Variants in UFSP1 observed in about 807,000 individuals in gnomAD.
The protein encoded by UFSP1 is ufm1-specific protease 1.
For synonymous variants in UFSP1, 119 were observed against 77.6 expected (o/e 1.53, Z -2.81); for missense variants, 261 against 182.7 (o/e 1.43, Z -2.47).
chr7:100,888,814 CCG>C lies in UFSP1; in HGVS notation c.*27_*28del. On this transcript the variant is annotated 3_prime_UTR_variant, in exon 1 of 1. Transcript: ENST00000388761. The stretch of plus-strand genomic sequence containing the variant: ...AGGTACATAGGTGCGTGTCTGGGAC[CCG>C]AGAATCTCAGTTCTGTAACTTCGTC... The C allele has an allele frequency of 6.3e-7, 1 of 1,582,068 alleles. No individual in the cohort carries two copies. Among genetic ancestry groups the C allele is most frequent in the South Asian group, 1.2e-5 (1 of 86,362 alleles).
Position 100,888,798 on chromosome 7 carries a change from G to A in UFSP1, c.*45C>T. 2 of 1,576,730 alleles carry A rather than the reference G, an allele frequency of 1.3e-6. No individual in the cohort carries two copies. The highest frequency in any genetic ancestry group is 8.6e-7 in the Non-Finnish European group (1 of 1,159,362). Reference sequence around the variant, plus strand: ...CAGGGACACCAGTGGGAGGTACATAGGTGCGTGTCTGGGACCCGAGAATCT... The same window carrying A: ...CAGGGACACCAGTGGGAGGTACATAAGTGCGTGTCTGGGACCCGAGAATCT... On this transcript the variant is annotated 3_prime_UTR_variant, in exon 1 of 1. Coordinates refer to ENST00000388761, the MANE Select transcript of UFSP1 (RefSeq NM_001015072.4).
chr7:100,889,001 C>T lies in UFSP1; in HGVS notation c.271G>A (p.Asp91Asn), dbSNP rs1287356680. ...TTTGGAGTGCCCCAGTAGTGAGGGT[C>T]CAATACCAGGACATAGGCTTCCGTG... Residue 91 changes from aspartate (D) to asparagine (N), a missense_variant, in exon 1 of 1, where the codon GAC (aspartate) becomes AAC (asparagine). Transcript: ENST00000388761. 41 of 1,614,072 alleles carry T rather than the reference C, an allele frequency of 2.5e-5. No individual in the cohort carries two copies. The highest frequency in any genetic ancestry group is 3.5e-5 in the Non-Finnish European group (41 of 1,180,030).
At position 100,888,838 on chromosome 7, in the gene UFSP1, C is replaced by T. The variant is rs764565663; in HGVS notation, c.*5G>A. On this transcript the variant is annotated 3_prime_UTR_variant, in exon 1 of 1. Transcript: ENST00000388761. ...CCCGAGAATCTCAGTTCTGTAACTTCGTCCTCAGTCCAAGGTGCGCTGCTG... is the reference window on the plus strand; with the variant it reads ...CCCGAGAATCTCAGTTCTGTAACTTTGTCCTCAGTCCAAGGTGCGCTGCTG... 2 of 1,596,758 alleles carry T rather than the reference C, an allele frequency of 1.3e-6. No homozygotes were observed. The highest frequency in any genetic ancestry group is 1.7e-6 in the Non-Finnish European group (2 of 1,169,330).
chr7:100,889,010 G>C lies in UFSP1; in HGVS notation c.262C>G (p.Leu88Val), dbSNP rs779372092. The C allele has an allele frequency of 6.2e-7, 1 of 1,614,142 alleles. No homozygotes were observed. The highest frequency in any genetic ancestry group is 1.1e-5 in the South Asian group (1 of 91,088). Residue 88 changes from leucine (L) to valine (V), a missense_variant, in exon 1 of 1, where the codon CTG becomes GTG. By Grantham distance (32) the Leu-to-Val change is conservative. Transcript: ENST00000388761. ...CCCCAGTAGTGAGGGTCCAATACCAGGACATAGGCTTCCGTGCCTGACCCT... is the reference window on the plus strand; with the variant it reads ...CCCCAGTAGTGAGGGTCCAATACCACGACATAGGCTTCCGTGCCTGACCCT...
Position 100,889,197 on chromosome 7 carries a change from A to G in UFSP1, c.75T>C (p.Ala25=). The change falls in exon 1 of 1, where the codon GCT becomes GCC. Residue 25 remains alanine, a synonymous_variant. Transcript: ENST00000388761. Reference sequence around the variant, plus strand: ...GGCGTCCCTGGGGCCCTCCGAAGTGAGCGAGGCAGAGGCTGGCCTCCACGC... The same window carrying G: ...GGCGTCCCTGGGGCCCTCCGAAGTGGGCGAGGCAGAGGCTGGCCTCCACGC... 1 of 1,607,566 alleles carries G rather than the reference A, an allele frequency of 6.2e-7. No homozygotes were observed. Among genetic ancestry groups the G allele is most frequent in the Non-Finnish European group, 8.5e-7 (1 of 1,177,386 alleles).
Position 100,888,741 on chromosome 7 carries a change from TTTA to T in UFSP1, c.*99_*101del. 6.6e-7 allele frequency: 1 copy of T among 1,509,020 alleles called. No homozygotes were observed. The highest frequency in any genetic ancestry group is 2.3e-5 in the East Asian group (1 of 44,164). The allele number at this position is 1,509,020 out of a possible 1,614,324, so 93.5% of individuals were successfully genotyped here. A position where few individuals can be genotyped will look rare whatever the true frequency, so the allele number is the denominator to read the frequency against. The stretch of plus-strand genomic sequence containing the variant: ...TGAGGTGTTGCTCAGCCCTGCCACT[TTTA>T]TTATTGATGTCAAAAGCGCCAGGCT... On this transcript the variant is annotated 3_prime_UTR_variant, in exon 1 of 1. Transcript: ENST00000388761.
Position 100,889,101 on chromosome 7 carries a change from AC to A in UFSP1, c.170del (p.Gly57ValfsTer23). 6.2e-7 allele frequency: 1 copy of A among 1,610,712 alleles called. No homozygotes were observed. The highest frequency in any genetic ancestry group is 8.5e-7 in the Non-Finnish European group (1 of 1,178,788). Reference sequence around the variant, plus strand: ...CCCCCCCAACCATGACTGGGCCCCCACCCCCTGCGAAGTGCGAGTAAAGCCT... The same window carrying A: ...CCCCCCCAACCATGACTGGGCCCCCACCCCTGCGAAGTGCGAGTAAAGCCT... On this transcript the variant is annotated frameshift_variant, in exon 1 of 1. Coordinates refer to ENST00000388761, the MANE Select transcript of UFSP1 (RefSeq NM_001015072.4). LOFTEE classifies it low-confidence loss of function (END_TRUNC).
Position 100,889,669 on chromosome 7 carries a change from C to T in UFSP1, c.-398G>A. On this transcript the variant is annotated 5_prime_UTR_variant, in exon 1 of 1. Coordinates refer to ENST00000388761, the MANE Select transcript of UFSP1 (RefSeq NM_001015072.4). ...CCGGGCCTCGTTGATCACCGCAGGC[C>T]GCAATAGGCAGCCACCGACCGGCAC... The T allele has an allele frequency of 4.4e-6, 1 of 228,496 alleles. No homozygotes were observed. The allele number at this position is 228,496 out of a possible 1,614,324, so 14.2% of individuals were successfully genotyped here. A position where few individuals can be genotyped will look rare whatever the true frequency, so the allele number is the denominator to read the frequency against.
chr7:100,889,070 C>T lies in UFSP1; in HGVS notation c.202G>A (p.Asp68Asn), dbSNP rs1396244005. 6.2e-7 allele frequency: 1 copy of T among 1,614,074 alleles called. No individual in the cohort carries two copies. The highest frequency in any genetic ancestry group is 1.7e-5 in the Admixed American group (1 of 60,022). ...CCCAGCAAGGCCTTGGACCTGGCAT[C>T]TGCGTCCCCCCCAACCATGACTGGG... is the stretch of plus-strand genomic sequence containing the variant. The change falls in exon 1 of 1, where the codon GAT (aspartate) becomes AAT (asparagine). Residue 68 changes from aspartate (D) to asparagine (N), a missense_variant. Physicochemically the swap from Asp to Asn is conservative, Grantham distance 23. Coordinates refer to ENST00000388761, the MANE Select transcript of UFSP1 (RefSeq NM_001015072.4).
rs78663731 is a variant in UFSP1, at chr7:100,888,803, G to A, written c.*40C>T. 66 of 1,577,864 alleles carry A rather than the reference G, an allele frequency of 4.2e-5. No individual in the cohort carries two copies. The East Asian group carries it at 8.1e-4, about 19-fold the overall frequency. On this transcript the variant is annotated 3_prime_UTR_variant, in exon 1 of 1. Transcript: ENST00000388761. ...ACACCAGTGGGAGGTACATAGGTGC[G>A]TGTCTGGGACCCGAGAATCTCAGTT...
chr7:100,889,371 C>A lies in UFSP1; in HGVS notation c.-100G>T. ...TCTGCAGAGTGCGGTAGCCGCAGCC[C>A]CAGCCGCGGTCGTCCAGGCCGTCGC... On this transcript the variant is annotated 5_prime_UTR_variant, in exon 1 of 1. Transcript: ENST00000388761. The A allele has an allele frequency of 9.2e-7, 1 of 1,091,846 alleles. No homozygotes were observed. Among genetic ancestry groups the A allele is most frequent in the East Asian group, 2.8e-5 (1 of 36,104 alleles). 67.6% of individuals were successfully genotyped at this position (1,091,846 alleles called of 1,614,324 possible).
In UFSP1 at chr7:100,889,315, G is replaced by C. The variant is rs754408033; in HGVS notation, c.-44C>G. On this transcript the variant is annotated 5_prime_UTR_variant, in exon 1 of 1. Transcript: ENST00000388761. ...TACGGCGGCCAGTCCAGGTACGCCC[G>C]CGGGCTGGCCCTCTGGCCACGAGCA... The C allele has an allele frequency of 6.9e-7, 1 of 1,449,438 alleles. No homozygotes were observed. Among genetic ancestry groups the C allele is most frequent in the Admixed American group, 2.6e-5 (1 of 37,740 alleles). The allele number at this position is 1,449,438 out of a possible 1,614,324, so 89.8% of individuals were successfully genotyped here.
rs1179675968 is a variant in UFSP1 at position 100,889,117 on chromosome 7, G to A, written c.155C>T (p.Ser52Leu). Reference sequence around the variant, plus strand: ...TGGGCCCCCACCCCCTGCGAAGTGCGAGTAAAGCCTCTCCAGCTCCCCGTG... The same window carrying A: ...TGGGCCCCCACCCCCTGCGAAGTGCAAGTAAAGCCTCTCCAGCTCCCCGTG... Residue 52 changes from serine (S) to leucine (L), a missense_variant, in exon 1 of 1, where the codon TCG becomes TTG. Transcript: ENST00000388761. 6.2e-7 allele frequency: 1 copy of A among 1,613,240 alleles called. No homozygotes were observed. The highest frequency in any genetic ancestry group is 8.5e-7 in the Non-Finnish European group (1 of 1,179,790).
rs200894711 is a variant in UFSP1 at position 100,888,824 on chromosome 7, C to A, written c.*19G>T. 8.8e-6 allele frequency: 14 copies of A among 1,589,130 alleles called. No individual in the cohort carries two copies. Among genetic ancestry groups the A allele is most frequent in the Non-Finnish European group, 1.2e-5 (14 of 1,165,404 alleles). ...GTGCGTGTCTGGGACCCGAGAATCT[C>A]AGTTCTGTAACTTCGTCCTCAGTCC... is the stretch of plus-strand genomic sequence containing the variant. On this transcript the variant is annotated 3_prime_UTR_variant, in exon 1 of 1. Coordinates refer to ENST00000388761, the MANE Select transcript of UFSP1 (RefSeq NM_001015072.4).
Position 100,889,077 on chromosome 7 carries a change from C to CCCCCCAACCATGACTGGG in UFSP1, c.177_194dup (p.Pro60_Gly65dup). On this transcript the variant is annotated inframe_insertion, in exon 1 of 1. Coordinates refer to ENST00000388761, the MANE Select transcript of UFSP1 (RefSeq NM_001015072.4). Reference sequence around the variant, plus strand: ...AGGCCTTGGACCTGGCATCTGCGTCCCCCCCAACCATGACTGGGCCCCCAC... The same window carrying CCCCCCAACCATGACTGGG: ...AGGCCTTGGACCTGGCATCTGCGTCCCCCCCAACCATGACTGGGCCCCCAACCATGACTGGGCCCCCAC... 4.3e-6 allele frequency: 7 copies of CCCCCCAACCATGACTGGG among 1,613,824 alleles called. No homozygotes were observed. Among genetic ancestry groups the CCCCCCAACCATGACTGGG allele is most frequent in the Non-Finnish European group, 5.9e-6 (7 of 1,179,888 alleles).
At position 100,888,780 on chromosome 7, in the gene UFSP1, AC is replaced by A. The variant is rs776800902; in HGVS notation, c.*62del. 1.9e-5 allele frequency: 30 copies of A among 1,561,348 alleles called. No homozygotes were observed. The highest frequency in any genetic ancestry group is 2.3e-5 in the Non-Finnish European group (27 of 1,149,968). Reference sequence around the variant, plus strand: ...CAAAAGCGCCAGGCTTTGCAGGGACACCAGTGGGAGGTACATAGGTGCGTGT... The same window carrying A: ...CAAAAGCGCCAGGCTTTGCAGGGACACAGTGGGAGGTACATAGGTGCGTGT... On this transcript the variant is annotated 3_prime_UTR_variant, in exon 1 of 1. Transcript: ENST00000388761.
chr7:100,889,346 T>C lies in UFSP1; in HGVS notation c.-75A>G. Reference sequence around the variant, plus strand: ...TGGCCCTCTGGCCACGAGCACAGCGTCTGCAGAGTGCGGTAGCCGCAGCCC... The same window carrying C: ...TGGCCCTCTGGCCACGAGCACAGCGCCTGCAGAGTGCGGTAGCCGCAGCCC... On this transcript the variant is annotated 5_prime_UTR_variant, in exon 1 of 1. Coordinates refer to ENST00000388761, the MANE Select transcript of UFSP1 (RefSeq NM_001015072.4). 7.6e-7 allele frequency: 1 copy of C among 1,313,520 alleles called. No homozygotes were observed. The highest frequency in any genetic ancestry group is 1.0e-6 in the Non-Finnish European group (1 of 985,802). The allele number at this position is 1,313,520 out of a possible 1,614,324, so 81.4% of individuals were successfully genotyped here.
rs767202427 is a variant in UFSP1 at position 100,889,051 on chromosome 7, A to G, written c.221T>C (p.Leu74Ser). The stretch of plus-strand genomic sequence containing the variant: ...GCCTGACCCTACGCAGACTCCCAGC[A>G]AGGCCTTGGACCTGGCATCTGCGTC... The change falls in exon 1 of 1, where the codon TTG becomes TCG. Residue 74 changes from leucine to serine, a missense_variant. Physicochemically the swap from Leu to Ser is moderately radical, Grantham distance 145 (BLOSUM62 -2). Transcript: ENST00000388761. The G allele has an allele frequency of 6.2e-7, 1 of 1,613,974 alleles. No individual in the cohort carries two copies. Among genetic ancestry groups the G allele is most frequent in the African/African-American group, 1.3e-5 (1 of 74,912 alleles).
Position 100,889,028 on chromosome 7 carries a change from C to G in UFSP1, c.244G>C (p.Gly82Arg). ...AATACCAGGACATAGGCTTCCGTGC[C>G]TGACCCTACGCAGACTCCCAGCAAG... Residue 82 changes from glycine to arginine, a missense_variant, in exon 1 of 1, where the codon GGC becomes CGC. Physicochemically the swap from Gly to Arg is moderately radical, Grantham distance 125. Coordinates refer to ENST00000388761, the MANE Select transcript of UFSP1 (RefSeq NM_001015072.4). 6.2e-7 allele frequency: 1 copy of G among 1,614,178 alleles called. No individual in the cohort carries two copies. The highest frequency in any genetic ancestry group is 8.5e-7 in the Non-Finnish European group (1 of 1,180,026).
Sources: allele counts gnomAD v4.1 joint callset, GRCh38; gene constraint gnomAD v4.1.1; transcripts MANE v1.5; gene names NCBI Gene and HGNC (gene_info 2026-07-23, HGNC 2026-07-21).